The following INPP5D variants were observed in gnomAD, a reference collection of about 807,000 sequenced individuals.
The protein encoded by INPP5D is phosphatidylinositol 3,4,5-trisphosphate 5-phosphatase 1.
In INPP5D, 33 loss-of-function variants were observed where a neutral mutation model predicts 122.9. That is an observed-to-expected ratio of 0.27 (90% CI 0.20 to 0.36). INPP5D has a LOEUF of 0.36. INPP5D is among the 10% of genes least tolerant of loss of function. The probability of loss-of-function intolerance (pLI) is 1.00; values close to 1 mark genes in which losing one functional copy is unlikely to be tolerated. For missense variants in INPP5D, 1,053 were observed against 1,412.7 expected (o/e 0.75, Z 4.08); for synonymous variants, 584 against 576.2 (o/e 1.01, Z -0.19).
intron 2 of INPP5D, among the ~76,000 whole-genome samples, chr2:233,091,846 TG>T (rs1692002982): frequency 6.6e-6 from 1 of 152,210 alleles, no homozygotes; most frequent in Non-Finnish European, 1.5e-5. Context: ...ACCACGAGGA[TG>T]TAAGACTCAC....
chr2:233,186,011 C>T lies in INPP5D; in HGVS notation c.2358+86C>T. ...AGCCAGTGGCAGAGCTATGGCCAGGCCTGACCAGAGGAAGCAGGAATCTCA... is the reference window on the plus strand; with the variant it reads ...AGCCAGTGGCAGAGCTATGGCCAGGTCTGACCAGAGGAAGCAGGAATCTCA... On this transcript the variant is annotated intron_variant, in intron 21 of 26. Transcript: ENST00000445964. 11 of 1,377,642 alleles carry T rather than the reference C, an allele frequency of 8.0e-6. No homozygotes were observed. The South Asian group carries it at 2.1e-4, about 26-fold the overall frequency. 85.3% of individuals were successfully genotyped at this position (1,377,642 alleles called of 1,614,324 possible). A position where few individuals can be genotyped will look rare whatever the true frequency, so the allele number is the denominator to read the frequency against.
chr2:233,070,498 T>C (rs1220095044), intron 1 of INPP5D, among the ~76,000 whole-genome samples: 1 of 151,152 alleles, frequency 6.6e-6, no homozygotes, highest in East Asian at 1.9e-4. Flanking sequence ...TGGAGTGCAA[T>C]GGTGTGATCT....
Position 233,198,092 on chromosome 2 carries a change from C to T in INPP5D, c.2694-3C>T, listed in dbSNP as rs1695230778. 6.3e-7 allele frequency: 1 copy of T among 1,586,930 alleles called. No homozygotes were observed. The highest frequency in any genetic ancestry group is 8.6e-7 in the Non-Finnish European group (1 of 1,164,788). ...GAGATGTGACTCCATGTCCTCCCTG[C>T]AGGGCCCCTCCGTGCAGTGGCTCCA... is the stretch of plus-strand genomic sequence containing the variant. On this transcript the variant is annotated splice_polypyrimidine_tract_variant and splice_region_variant and intron_variant, in intron 24 of 26. Coordinates refer to ENST00000445964, the MANE Select transcript of INPP5D (RefSeq NM_001017915.3).
At position 233,207,828 on chromosome 2, in the gene INPP5D, G is replaced by A. The variant is rs1297269301; in HGVS notation, c.*1120G>A. ...GGGAGCTAAATCCAGTGGTGTGTGT[G>A]AATGCAGAAGGGAATGCACCCCACA... On this transcript the variant is annotated 3_prime_UTR_variant, in exon 27 of 27. Transcript: ENST00000445964. This position sits in a 1 kb window ranked among gnomAD's most constrained non-coding sequence, Gnocchi z 4.6. The A allele has an allele frequency of 6.6e-6, 1 of 152,354 alleles. No individual in the cohort carries two copies. Among genetic ancestry groups the A allele is most frequent in the African/African-American group, 2.4e-5 (1 of 41,438 alleles). The allele number at this position is 152,354 out of a possible 1,614,324, so 9.4% of individuals were successfully genotyped here. A position where few individuals can be genotyped will look rare whatever the true frequency, so the allele number is the denominator to read the frequency against.
intron 5 of INPP5D, among the ~76,000 whole-genome samples, chr2:233,138,120 G>A (rs1574758091): frequency 6.7e-6 from 1 of 150,214 alleles, no homozygotes; most frequent in East Asian, 1.9e-4. Flanking sequence ...GGGAAGCTGA[G>A]GTGGGCGGAT....
At position 233,177,329 on chromosome 2, in the gene INPP5D, T is replaced by C. The variant is rs1403701825; in HGVS notation, c.2054T>C (p.Val685Ala). 6.2e-7 allele frequency: 1 copy of C among 1,613,866 alleles called. No individual in the cohort carries two copies. The highest frequency in any genetic ancestry group is 8.5e-7 in the Non-Finnish European group (1 of 1,179,814). Residue 685 changes from valine to alanine, a missense_variant, in exon 18 of 27, where the codon GTG (valine) becomes GCG (alanine). Val to Ala is a moderately conservative substitution (Grantham distance 64). Coordinates refer to ENST00000445964, the MANE Select transcript of INPP5D (RefSeq NM_001017915.3). This position sits in a 1 kb window ranked among gnomAD's most constrained non-coding sequence, Gnocchi z 4.2. The stretch of plus-strand genomic sequence containing the variant: ...TGGAAGTCTTATCCCCTGGTGCACG[T>C]GGTGTGTCAGTCTTATGGTGAGTTC... ...VLWKSYPLVH[V>A]VCQSYGSTSD...
chr2:233,206,875 T>G lies in INPP5D; in HGVS notation c.*167T>G, dbSNP rs562544167. ...TGTGTGGCCCACAGAGTTCACTGCCTGTGAGACTTAGCACCAAGTGCTGAG... is the reference window on the plus strand; with the variant it reads ...TGTGTGGCCCACAGAGTTCACTGCCGGTGAGACTTAGCACCAAGTGCTGAG... On this transcript the variant is annotated 3_prime_UTR_variant, in exon 27 of 27. Transcript: ENST00000445964. This position sits in a 1 kb window ranked among gnomAD's most constrained non-coding sequence, Gnocchi z 4.0. 1.1e-4 allele frequency: 70 copies of G among 625,428 alleles called. No individual in the cohort carries two copies. The East Asian group carries it at 2.0e-3, about 18-fold the overall frequency. The allele number at this position is 625,428 out of a possible 1,614,324, so 38.7% of individuals were successfully genotyped here. A position where few individuals can be genotyped will look rare whatever the true frequency, so the allele number is the denominator to read the frequency against.
At chr2:233,063,062 T>C (rs1450473651) in intron 1 of INPP5D, among the ~76,000 whole-genome samples, 1 of 151,812 alleles carries the variant, frequency 6.6e-6, no homozygotes, top group Non-Finnish European at 1.5e-5. Flanking sequence ...CTTAGTTTTC[T>C]GTGTTCCCTG....
chr2:233,110,930 A>G (rs1043538026), intron 2 of INPP5D, among the ~76,000 whole-genome samples: 1 of 134,866 alleles, frequency 7.4e-6, no homozygotes, highest in African/African-American at 3.4e-5. Flanking sequence ...GTCTCTTAAA[A>G]AAAAAACAAC....
At chr2:233,085,034 T>A (rs756277588) in intron 2 of INPP5D, among the ~76,000 whole-genome samples, 1 of 152,200 alleles carries the variant, frequency 6.6e-6, no homozygotes, top group Non-Finnish European at 1.5e-5. Flanking sequence ...GATATAAAAT[T>A]CTTGGAACCA....
chr2:233,167,953 A>C (rs1389660176), intron 13 of INPP5D, among the ~76,000 whole-genome samples: 3 of 142,782 alleles, frequency 2.1e-5, no homozygotes, highest in Non-Finnish European at 4.5e-5. Context: ...TGCAGTAAGC[A>C]GAGATCGCGC....
chr2:233,203,203 C>T lies in INPP5D; in HGVS notation c.2976-923C>T, dbSNP rs140353691. On this transcript the variant is annotated intron_variant, in intron 25 of 26. Coordinates refer to ENST00000445964, the MANE Select transcript of INPP5D (RefSeq NM_001017915.3). ...GTGGTTCCTGAGGAGGAGGTGTGAT[C>T]GCCTTCCTGAGCGGTCATGCAAATG... Among the ~76,000 whole-genome samples the T allele has an allele frequency of 1.8e-3, 279 of 152,252 alleles. 3 individuals are homozygous for T. In the East Asian group the frequency reaches 0.039, roughly 21 times the overall value.
At position 233,197,240 on chromosome 2, in the gene INPP5D, T is replaced by C. The variant is rs1330176562; in HGVS notation, c.2694-855T>C. Among the ~76,000 whole-genome samples the C allele has an allele frequency of 6.6e-6, 1 of 152,222 alleles. No homozygotes were observed. Among genetic ancestry groups the C allele is most frequent in the East Asian group, 1.9e-4 (1 of 5,202 alleles). ...ACAGTGGCAGCGTGCAGTGTGTCTG[T>C]TGGGGCCACCTTGCCTGGGTCTGGG... On this transcript the variant is annotated intron_variant, in intron 24 of 26. Transcript: ENST00000445964. This position sits in a 1 kb window ranked among gnomAD's most constrained non-coding sequence, Gnocchi z 4.4.
Position 233,177,473 on chromosome 2 carries a change from C to T in INPP5D, c.2071+127C>T. ...TCAAAGGGAGGAATTCACTGTAACC[C>T]TAATCAGGCGACCTGGAAATGTTGA... On this transcript the variant is annotated intron_variant, in intron 18 of 26. Transcript: ENST00000445964. The surrounding 1 kb of genome is among the most constrained non-coding windows in gnomAD (Gnocchi z 4.2). 6.8e-7 allele frequency: 1 copy of T among 1,476,218 alleles called. No homozygotes were observed. The highest frequency in any genetic ancestry group is 1.2e-5 in the South Asian group (1 of 81,770). 91.4% of individuals were successfully genotyped at this position (1,476,218 alleles called of 1,614,324 possible).
chr2:233,081,231 G>A (rs1574709755), intron 2 of INPP5D, among the ~76,000 whole-genome samples: 1 of 152,158 alleles, frequency 6.6e-6, no homozygotes, highest in South Asian at 2.1e-4. Flanking sequence ...TGTGAGCAGC[G>A]GAGGGGAGCC....
At chr2:233,124,902 G>A (rs180755814) in intron 3 of INPP5D, among the ~76,000 whole-genome samples, 1 of 152,374 alleles carries the variant, frequency 6.6e-6, no homozygotes, top group African/African-American at 2.4e-5. Context: ...TGGGCCCAGG[G>A]CCTCTTGAGG....
chr2:233,142,883 G>A (rs1250280066), intron 6 of INPP5D, among the ~76,000 whole-genome samples: 1 of 152,102 alleles, frequency 6.6e-6, no homozygotes, highest in Non-Finnish European at 1.5e-5. Context: ...CTGTCGTGGA[G>A]GACTCCTGTG....
rs1692263291 is a variant in INPP5D, at chr2:233,100,052, C to T, written c.198+20654C>T. ...GAGCCGCCATAATTCAATCACCTCC[C>T]ACCGGGTTCCTCCCACGACACGTGG... On this transcript the variant is annotated intron_variant, in intron 2 of 26. Coordinates refer to ENST00000445964, the MANE Select transcript of INPP5D (RefSeq NM_001017915.3). This position sits in a 1 kb window ranked among gnomAD's most constrained non-coding sequence, Gnocchi z 5.3. Among the ~76,000 whole-genome samples, 1 of 152,228 alleles carries T rather than the reference C, an allele frequency of 6.6e-6. No individual in the cohort carries two copies. The highest frequency in any genetic ancestry group is 6.5e-5 in the Admixed American group (1 of 15,288).
Position 233,204,600 on chromosome 2 carries a change from G to T in INPP5D, c.3450G>T (p.Val1150=). ...RPPLPVKSPA[V]LHLQHSKGRD... is the part of the protein sequence containing the mutation. ...CGCTGCCAGTCAAGAGCCCGGCGGT[G>T]CTGCACCTCCAGCACTCCAAGGGCC... Residue 1150 remains valine (V), a synonymous_variant, in exon 26 of 27, where the codon GTG becomes GTT. Transcript: ENST00000445964. 6.4e-7 allele frequency: 1 copy of T among 1,571,402 alleles called. No individual in the cohort carries two copies. The highest frequency in any genetic ancestry group is 1.9e-5 in the Admixed American group (1 of 53,810).
Sources: allele counts gnomAD v4.1 joint callset (sites outside exome capture counted in the v4.1 genomes callset), GRCh38; gene constraint gnomAD v4.1.1; non-coding constraint Gnocchi (gnomAD v3.1); transcripts MANE v1.5; gene names NCBI Gene and HGNC (gene_info 2026-07-23, HGNC 2026-07-21).